The following SLC39A6 variants were observed in gnomAD, a reference collection of about 807,000 sequenced individuals.
SLC39A6 encodes solute carrier family 39 member 6.
In SLC39A6, 51 loss-of-function variants were observed where a neutral mutation model predicts 63.5. The observed-to-expected ratio is 0.80, with a 90% CI of 0.64 to 1.01. The LOEUF (loss-of-function observed/expected upper bound fraction) is 1.01, where lower values mean the gene tolerates loss of function less well. SLC39A6 is among the 50% of genes least tolerant of loss of function. The probability of loss-of-function intolerance (pLI) is 0.00; values close to 1 mark genes in which losing one functional copy is unlikely to be tolerated. For missense variants in SLC39A6, 805 were observed against 927.8 expected, an observed-to-expected ratio of 0.87 and a Z score of 1.72; for synonymous variants, 318 against 324.7, an observed-to-expected ratio of 0.98 and a Z score of 0.22.
At chr18:36,123,413 C>G (rs2089409733) in intron 4 of SLC39A6, 82 bp downstream of exon 4, 1 of 1,277,770 alleles carries the variant, frequency 7.8e-7, no homozygotes, top group African/African-American at 1.6e-5. Flanking sequence ...ACATTTTATA[C>G]AAAAAATTCT....
Position 36,126,685 on chromosome 18 carries a change from T to C in SLC39A6, c.323A>G (p.His108Arg). ...HHSDHEHHSD[H>R]ERHSDHEHHS... Reference sequence around the variant, plus strand: ...ATGCTCATGGTCTGAGTGACGCTCATGGTCTGAGTGATGCTCGTGGTCTGA... The same window carrying C: ...ATGCTCATGGTCTGAGTGACGCTCACGGTCTGAGTGATGCTCGTGGTCTGA... The change falls in exon 2 of 10, where the codon CAT becomes CGT. Residue 108 changes from histidine (H) to arginine (R), a missense_variant. Coordinates refer to ENST00000269187, the MANE Select transcript of SLC39A6 (RefSeq NM_012319.4). 3.1e-6 allele frequency: 5 copies of C among 1,604,632 alleles called. No homozygotes were observed. The highest frequency in any genetic ancestry group is 1.3e-5 in the African/African-American group (1 of 74,796).
intron 5 of SLC39A6, among the ~76,000 whole-genome samples, chr18:36,119,940 A>C (rs1466751083): frequency 2.6e-5 from 4 of 152,150 alleles, no homozygotes; most frequent in African/African-American, 4.8e-5. Flanking sequence ...ATTTAGGTAA[A>C]ATTTGGAAAT....
In SLC39A6 at chr18:36,124,513, A is replaced by G; in HGVS notation, c.970+7T>C. The G allele has an allele frequency of 2.7e-6, 4 of 1,504,014 alleles. No individual in the cohort carries two copies. The highest frequency in any genetic ancestry group is 3.6e-6 in the Non-Finnish European group (4 of 1,106,902). The allele number at this position is 1,504,014 out of a possible 1,614,324, so 93.2% of individuals were successfully genotyped here. A position where few individuals can be genotyped will look rare whatever the true frequency, so the allele number is the denominator to read the frequency against. ...AAATTGTTTTTACATAAAAAAGGCA[A>G]TTTTACCTATTTGTAATGAATAGGT... On this transcript the variant is annotated splice_region_variant and intron_variant, in intron 3 of 9. Transcript: ENST00000269187.
rs199577844 is a variant in SLC39A6 at position 36,112,523 on chromosome 18, A to G, written c.1902T>C (p.Cys634=). 348 of 1,613,428 alleles carry G rather than the reference A, an allele frequency of 2.2e-4. No homozygotes were observed. Among genetic ancestry groups the G allele is most frequent in the Non-Finnish European group, 2.7e-4 (316 of 1,179,616 alleles). The part of the protein sequence containing the change: ...SGLSTSVAVF[C]HELPHELGDF... The stretch of plus-strand genomic sequence containing the variant: ...TACCTAATTCATGAGGCAACTCATG[A>G]CAGAACACAGCAACAGAAGTACTTA... Residue 634 remains cysteine, a synonymous_variant, in exon 8 of 10, where the codon TGT becomes TGC. Coordinates refer to ENST00000269187, the MANE Select transcript of SLC39A6 (RefSeq NM_012319.4).
chr18:36,121,040 A>G lies in SLC39A6; in HGVS notation c.1359+1012T>C, dbSNP rs1416065467. 3.3e-5 allele frequency among the ~76,000 whole-genome samples: 5 copies of G among 152,226 alleles called. No individual in the cohort carries two copies. In the East Asian group the frequency reaches 9.6e-4, roughly 29 times the overall value. Reference sequence around the variant, plus strand: ...TAAAGAAAAAAAGAAACGATACAGAATACGGAACTCCAACTTGAAGAAAAT... The same window carrying G: ...TAAAGAAAAAAAGAAACGATACAGAGTACGGAACTCCAACTTGAAGAAAAT... On this transcript the variant is annotated intron_variant, in intron 5 of 9. Transcript: ENST00000269187.
At position 36,126,991 on chromosome 18, in the gene SLC39A6, G is replaced by T. The variant is rs750311091; in HGVS notation, c.17C>A (p.Ser6Tyr). The part of the protein sequence containing the change: MARKL[S>Y]VILILTFALS... Reference sequence around the variant, plus strand: ...GGCAAAGGTCAGGATCAAGATTACAGATAACTTCCTCGCCATTGCGCCTTC... The same window carrying T: ...GGCAAAGGTCAGGATCAAGATTACATATAACTTCCTCGCCATTGCGCCTTC... The change falls in exon 2 of 10, where the codon TCT becomes TAT. Residue 6 changes from serine to tyrosine, a missense_variant. Around this residue, in one of 4 missense-constraint regions of SLC39A6, gnomAD observed 639 missense variants for 644.0 expected, o/e 0.99. Transcript: ENST00000269187. 1.2e-5 allele frequency: 20 copies of T among 1,610,766 alleles called. No individual in the cohort carries two copies. The African/African-American group carries it at 2.4e-4, about 19-fold the overall frequency.
chr18:36,124,963 A>G (rs2089424279), intron 2 of SLC39A6, among the ~76,000 whole-genome samples: 1 of 152,202 alleles, frequency 6.6e-6, no homozygotes, highest in South Asian at 2.1e-4. Flanking sequence ...TGGAACAAGC[A>G]TGAGGATAAA....
At chr18:36,119,743 T>C (rs539505884) in intron 5 of SLC39A6, among the ~76,000 whole-genome samples, 1 of 152,194 alleles carries the variant, frequency 6.6e-6, no homozygotes, top group East Asian at 1.9e-4. Flanking sequence ...TAGCTGGGCA[T>C]GGTGGCATGA....
intron 4 of SLC39A6, among the ~76,000 whole-genome samples, chr18:36,123,057 A>C (rs938683509): frequency 6.6e-6 from 1 of 152,268 alleles, no homozygotes; most frequent in African/African-American, 2.4e-5. Flanking sequence ...TCACTTTACC[A>C]AACTTGTTTT....
Position 36,114,158 on chromosome 18 carries a change from A to G in SLC39A6, c.1782T>C (p.Thr594=), listed in dbSNP as rs1408255197. 2 of 1,614,108 alleles carry G rather than the reference A, an allele frequency of 1.2e-6. No homozygotes were observed. The highest frequency in any genetic ancestry group is 1.7e-6 in the Non-Finnish European group (2 of 1,179,990). ...REELKDAGVA[T]LAWMVIMGDG... is the part of the protein sequence containing the mutation. The stretch of plus-strand genomic sequence containing the variant: ...CACCCATTATCACCATCCAGGCCAG[A>G]GTGGCGACGCCGGCATCTTTCAGCT... Residue 594 remains threonine, a synonymous_variant, in exon 7 of 10, where the codon ACT becomes ACC. Transcript: ENST00000269187.
chr18:36,111,396 A>G, intron 8 of SLC39A6, 147 bp from the exon 9 acceptor site: 1 of 685,744 alleles, frequency 1.5e-6, no homozygotes, highest in Non-Finnish European at 2.5e-6. Flanking sequence ...CTAGGGTTAA[A>G]GCAGTGTTAG....
chr18:36,126,895 G>A lies in SLC39A6; in HGVS notation c.113C>T (p.Pro38Leu), dbSNP rs369589683. Residue 38 changes from proline to leucine, a missense_variant, in exon 2 of 10, where the codon CCG becomes CTG. This residue lies in a region of SLC39A6 where 639 missense variants were observed against 644.0 expected (regional missense o/e 0.99). Coordinates refer to ENST00000269187, the MANE Select transcript of SLC39A6 (RefSeq NM_012319.4). ...AFPQTTEKIS[P>L]NWESGINVDL... ...AACATTAATGCCAGATTCCCAATTC[G>A]GACTAATTTTCTCAGTGGTCTGGGG... 18 of 1,613,910 alleles carry A rather than the reference G, an allele frequency of 1.1e-5. No homozygotes were observed. The highest frequency in any genetic ancestry group is 9.4e-5 in the African/African-American group (7 of 74,858).
rs1247154042 is a variant in SLC39A6, at chr18:36,111,390, G to A, written c.1925-141C>T. The A allele has an allele frequency of 7.1e-6, 5 of 707,152 alleles. No individual in the cohort carries two copies. The East Asian group carries it at 1.4e-4, about 19-fold the overall frequency. The allele number at this position is 707,152 out of a possible 1,614,324, so 43.8% of individuals were successfully genotyped here. A position where few individuals can be genotyped will look rare whatever the true frequency, so the allele number is the denominator to read the frequency against. On this transcript the variant is annotated intron_variant, in intron 8 of 9. Transcript: ENST00000269187. ...GAAAACAAAATTAAGAATGACCTAGGGTTAAAGCAGTGTTAGTAAATCACC... is the reference window on the plus strand; with the variant it reads ...GAAAACAAAATTAAGAATGACCTAGAGTTAAAGCAGTGTTAGTAAATCACC...
At chr18:36,119,954 A>G (rs1316531520) in intron 5 of SLC39A6, among the ~76,000 whole-genome samples, 2 of 152,180 alleles carry the variant, frequency 1.3e-5, no homozygotes, top group Non-Finnish European at 2.9e-5. Flanking sequence ...TGGAAATGAA[A>G]TTGAAATGAG....
Position 36,114,397 on chromosome 18 carries a change from C to G in SLC39A6, c.1543G>C (p.Glu515Gln). Residue 515 changes from glutamate (E) to glutamine (Q), a missense_variant, in exon 7 of 10, where the codon GAA becomes CAA. Coordinates refer to ENST00000269187, the MANE Select transcript of SLC39A6 (RefSeq NM_012319.4). ...DSQQPAVLEEEEVMIAHAHPQ... is the reference protein window; with the variant it reads ...DSQQPAVLEEQEVMIAHAHPQ... ...TGAGCATGAGCTATCATGACCTCTT[C>G]TTCTTCCAAGACTGCAGGCTGCTGA... 1.2e-6 allele frequency: 2 copies of G among 1,614,226 alleles called. No homozygotes were observed. The highest frequency in any genetic ancestry group is 1.7e-6 in the Non-Finnish European group (2 of 1,180,038).
At chr18:36,114,075 G>C (rs2089323195) in intron 7 of SLC39A6, 22 bp downstream of exon 7, 1 of 1,542,500 alleles carries the variant, frequency 6.5e-7, no homozygotes, top group Non-Finnish European at 8.7e-7. Flanking sequence ...AATCAACAAG[G>C]AACAAATATG....
chr18:36,126,919 G>A lies in SLC39A6; in HGVS notation c.89C>T (p.Pro30Leu), dbSNP rs755023681. 2 of 1,614,036 alleles carry A rather than the reference G, an allele frequency of 1.2e-6. No homozygotes were observed. The highest frequency in any genetic ancestry group is 1.1e-5 in the South Asian group (1 of 91,082). Residue 30 changes from proline to leucine, a missense_variant, in exon 2 of 10, where the codon CCC becomes CTC. Coordinates refer to ENST00000269187, the MANE Select transcript of SLC39A6 (RefSeq NM_012319.4). ...PLHELKAAAF[P>L]QTTEKISPNW... ...CGGACTAATTTTCTCAGTGGTCTGG[G>A]GGAAAGCAGCTGCTTTTAGTTCATG...
intron 5 of SLC39A6, among the ~76,000 whole-genome samples, chr18:36,120,765 T>C (rs2089386789): frequency 6.6e-6 from 1 of 152,158 alleles, no homozygotes; most frequent in East Asian, 1.9e-4. Flanking sequence ...AGTGCTAGGA[T>C]CATAGGCGTG....
rs2089327410 is a variant in SLC39A6, at chr18:36,114,440, C to T, written c.1500G>A (p.Glu500=). 6.2e-7 allele frequency: 1 copy of T among 1,613,594 alleles called. No individual in the cohort carries two copies. Among genetic ancestry groups the T allele is most frequent in the East Asian group, 2.2e-5 (1 of 44,886 alleles). ...GCTGCTGAGAATCAAAGTGGGAGGG[C>T]TCTTGTGAGTCTGCTCGTAAATAGC... ...TEGYLRADSQ[E]PSHFDSQQPA... The change falls in exon 7 of 10, where the codon GAG becomes GAA. Residue 500 remains glutamate, a synonymous_variant. Coordinates refer to ENST00000269187, the MANE Select transcript of SLC39A6 (RefSeq NM_012319.4).
Sources: gnomAD v4.1 joint callset for allele counts (sites outside exome capture counted in the v4.1 genomes callset) on GRCh38, gnomAD v4.1.1 for gene constraint, gnomAD v4.1.1 regional missense constraint, MANE v1.5 for transcripts, NCBI Gene and HGNC (gene_info 2026-07-23, HGNC 2026-07-21) for gene names.